The following IBTK variants were observed in gnomAD, a reference collection of about 807,000 sequenced individuals.
IBTK encodes the protein inhibitor of Bruton tyrosine kinase.
A neutral mutation model predicts 154.9 loss-of-function variants in IBTK; 83 were observed. The ratio of observed to expected loss-of-function variants is 0.54; its 90% CI spans 0.45 to 0.64. The LOEUF (loss-of-function observed/expected upper bound fraction) is 0.64. Ranked by LOEUF, IBTK falls within the 30% of genes least tolerant of loss-of-function variation. IBTK has a pLI of 0.00. For missense variants in IBTK, 1,332 were observed against 1,584.6 expected, an observed-to-expected ratio of 0.84 and a Z score of 2.71; for synonymous variants, 515 against 536.1, an observed-to-expected ratio of 0.96 and a Z score of 0.54.
rs751086280 is a variant in IBTK at position 82,211,411 on chromosome 6, GA to G, written c.2375-8del. On this transcript the variant is annotated splice_region_variant and splice_polypyrimidine_tract_variant and intron_variant, in intron 14 of 28. Coordinates refer to ENST00000306270, the MANE Select transcript of IBTK (RefSeq NM_015525.4). Reference sequence around the variant, plus strand: ...AGCATACTATGAAAATATTCTAAAAGAAAAAAAAGTTCAATGCAATAAGAAT... The same window carrying G: ...AGCATACTATGAAAATATTCTAAAAGAAAAAAAGTTCAATGCAATAAGAAT... 1.0e-5 allele frequency: 16 copies of G among 1,607,370 alleles called. No homozygotes were observed. The highest frequency in any genetic ancestry group is 6.8e-5 in the Admixed American group (4 of 59,192).
intron 27 of IBTK, chr6:82,173,144 G>C (rs1767991242): frequency 2.8e-6 from 1 of 352,134 alleles, no homozygotes; most frequent in East Asian, 4.6e-5. Flanking sequence ...TGGCATCACA[G>C]GCATGCGCCA....
Position 82,212,753 on chromosome 6 carries a change from T to A in IBTK, c.2245A>T (p.Ile749Phe). The A allele has an allele frequency of 1.9e-6, 3 of 1,598,362 alleles. No individual in the cohort carries two copies. Among genetic ancestry groups the A allele is most frequent in the Non-Finnish European group, 2.6e-6 (3 of 1,166,084 alleles). ...AGTTTATTACCAGTGTTCTTGGCAA[T>A]AACATTAATTTTTTCATTTTCAAAT... The part of the protein sequence containing the change: ...VRFENEKINV[I>F]AKNTGNKLKL... Residue 749 changes from isoleucine (I) to phenylalanine (F), a missense_variant, in exon 13 of 29, where the codon ATT becomes TTT. Ile to Phe is a conservative substitution (Grantham distance 21). This residue lies in a region of IBTK where 1,134 missense variants were observed against 1,274.7 expected (regional missense o/e 0.89). Coordinates refer to ENST00000306270, the MANE Select transcript of IBTK (RefSeq NM_015525.4).
At chr6:82,217,896 A>T in intron 10 of IBTK, 64 bp downstream of exon 10, 2 of 1,146,608 alleles carry the variant, frequency 1.7e-6, no homozygotes, top group Non-Finnish European at 2.4e-6. Flanking sequence ...GTTGAACCTA[A>T]TACTTGTCAA....
At chr6:82,171,644 A>T in intron 28 of IBTK, 88 bp from the exon 29 acceptor site, 1 of 1,122,828 alleles carries the variant, frequency 8.9e-7, no homozygotes, top group South Asian at 1.4e-5. Context: ...CTTTTGAGGA[A>T]CTATCACTTT....
intron 24 of IBTK, 130 bp from the exon 25 acceptor site, chr6:82,191,346 G>C (rs1768761654): frequency 1.4e-5 from 10 of 718,472 alleles, no homozygotes; most frequent in Non-Finnish European, 1.8e-5. Context: ...TAATAATAAT[G>C]TTTTCTATTT....
chr6:82,182,032 C>CA lies in IBTK; in HGVS notation c.3576-5dup. Reference sequence around the variant, plus strand: ...AACTGAATGCAGAGAAGATGCCCTGCAAAAGAAAGCAAAGATCATGTTAAA... The same window carrying CA: ...AACTGAATGCAGAGAAGATGCCCTGCAAAAAGAAAGCAAAGATCATGTTAAA... On this transcript the variant is annotated splice_region_variant and splice_polypyrimidine_tract_variant and intron_variant, in intron 25 of 28. Transcript: ENST00000306270. 2 of 1,586,212 alleles carry CA rather than the reference C, an allele frequency of 1.3e-6. No homozygotes were observed. Among genetic ancestry groups the CA allele is most frequent in the Non-Finnish European group, 1.7e-6 (2 of 1,173,900 alleles).
intron 3 of IBTK, 134 bp from the exon 4 acceptor site, chr6:82,231,976 G>T: frequency 2.0e-6 from 1 of 508,624 alleles, no homozygotes. Flanking sequence ...GGTAATTCTA[G>T]AAATAGAAAA....
intron 2 of IBTK, among the ~76,000 whole-genome samples, chr6:82,237,413 T>C (rs1770756555): frequency 6.6e-6 from 1 of 152,026 alleles, no homozygotes; most frequent in African/African-American, 2.4e-5. Flanking sequence ...ATTAACAAAC[T>C]TAAAAATGCT....
chr6:82,217,427 T>C (rs1204923058), intron 10 of IBTK, among the ~76,000 whole-genome samples: 2 of 152,148 alleles, frequency 1.3e-5, no homozygotes, highest in East Asian at 1.9e-4. Flanking sequence ...CATACATGTC[T>C]ATTGCCCCTA....
At chr6:82,222,457 T>C (rs1770134687) in intron 8 of IBTK, among the ~76,000 whole-genome samples, 1 of 152,168 alleles carries the variant, frequency 6.6e-6, no homozygotes, top group Non-Finnish European at 1.5e-5. Flanking sequence ...TAATAATGTA[T>C]ATATTTATAA....
chr6:82,214,931 T>C, intron 11 of IBTK, 102 bp from the exon 12 acceptor site: 1 of 1,201,188 alleles, frequency 8.3e-7, no homozygotes, highest in Non-Finnish European at 1.1e-6. Context: ...TTTAACAATA[T>C]TTAGAAAATT....
chr6:82,180,909 TCTTA>T (rs1248571050), intron 26 of IBTK, among the ~76,000 whole-genome samples: 2 of 152,086 alleles, frequency 1.3e-5, no homozygotes, highest in African/African-American at 2.4e-5. Context: ...ACATAACATA[TCTTA>T]CTTATTTTGT....
intron 2 of IBTK, among the ~76,000 whole-genome samples, chr6:82,237,658 A>AGTG (rs752039539): frequency 2.1e-5 from 3 of 141,054 alleles, no homozygotes; most frequent in African/African-American, 8.2e-5. Context: ...AGAAGATAGT[A>AGTG]GTGGTAGTAG....
chr6:82,226,850 C>T (rs1770317318), intron 5 of IBTK, among the ~76,000 whole-genome samples: 1 of 152,134 alleles, frequency 6.6e-6, no homozygotes, highest in African/African-American at 2.4e-5. Context: ...AGGTGATCCG[C>T]CTGCTTCAGC....
At chr6:82,184,911 G>A (rs1768482522) in intron 25 of IBTK, among the ~76,000 whole-genome samples, 1 of 152,056 alleles carries the variant, frequency 6.6e-6, no homozygotes, top group South Asian at 2.1e-4. Context: ...GCTGGGCGTG[G>A]TGGCTCACAC....
chr6:82,216,216 A>G lies in IBTK; in HGVS notation c.1461T>C (p.Asp487=). 1.3e-6 allele frequency: 2 copies of G among 1,595,772 alleles called. No homozygotes were observed. Among genetic ancestry groups the G allele is most frequent in the African/African-American group, 1.4e-5 (1 of 73,964 alleles). The change falls in exon 11 of 29, where the codon GAT becomes GAC. Residue 487 remains aspartate (D), a synonymous_variant. Coordinates refer to ENST00000306270, the MANE Select transcript of IBTK (RefSeq NM_015525.4). ...TATTTATATCAGAGACATAAGACACATCTGATGAGGAATTGTGAAGGTTTG... is the reference window on the plus strand; with the variant it reads ...TATTTATATCAGAGACATAAGACACGTCTGATGAGGAATTGTGAAGGTTTG... ...ILSNLHNSSS[D]VSYVSDINSV... is the part of the protein sequence containing the mutation.
chr6:82,184,649 CAGG>C (rs1459598891), intron 25 of IBTK, among the ~76,000 whole-genome samples: 2 of 152,110 alleles, frequency 1.3e-5, no homozygotes, highest in Non-Finnish European at 1.5e-5. Context: ...CTGTCAGCAG[CAGG>C]AGTACAACTA....
intron 10 of IBTK, among the ~76,000 whole-genome samples, chr6:82,216,885 T>C (rs893087313): frequency 2.6e-5 from 4 of 152,162 alleles, no homozygotes; most frequent in African/African-American, 9.7e-5. Flanking sequence ...AAGGATATAG[T>C]GCTTCCACAA....
Position 82,218,093 on chromosome 6 carries a change from T to C in IBTK, c.1293A>G (p.Arg431=). The part of the protein sequence containing the change: ...RSVNSSLKQC[R]WAYPRQVFIS... ...TGAAGACCTGACGTGGATAGGCCCA[T>C]CGACACTGCTTCAGAGAACTGTTGA... The change falls in exon 10 of 29, where the codon CGA becomes CGG. Residue 431 remains arginine, a synonymous_variant. Transcript: ENST00000306270. 1.9e-6 allele frequency: 3 copies of C among 1,599,058 alleles called. No homozygotes were observed. Among genetic ancestry groups the C allele is most frequent in the Non-Finnish European group, 2.6e-6 (3 of 1,174,152 alleles).
Sources: gnomAD v4.1 joint callset for allele counts (sites outside exome capture counted in the v4.1 genomes callset) on GRCh38, gnomAD v4.1.1 for gene constraint, gnomAD v4.1.1 regional missense constraint, MANE v1.5 for transcripts, NCBI Gene and HGNC (gene_info 2026-07-23, HGNC 2026-07-21) for gene names.